Variants in TAOK3 observed in about 807,000 individuals in gnomAD.
The protein encoded by TAOK3 is serine/threonine-protein kinase TAO3.
TAOK3 carries 40 observed loss-of-function variants against 120.4 expected under a neutral mutation model. The ratio of observed to expected loss-of-function variants is 0.33; its 90% CI spans 0.26 to 0.43. The LOEUF (loss-of-function observed/expected upper bound fraction) is 0.43, where lower values mean the gene tolerates loss of function less well. Among genes scored for constraint, TAOK3 ranks in the 20% least tolerant of loss-of-function variants. The pLI is 1.00. For missense variants in TAOK3, 821 were observed against 1,112.1 expected, an observed-to-expected ratio of 0.74 and a Z score of 3.72; for synonymous variants, 355 against 387.5, an observed-to-expected ratio of 0.92 and a Z score of 0.99.
intron 8 of TAOK3, among the ~76,000 whole-genome samples, chr12:118,234,554 T>C (rs1022347998): frequency 1.3e-5 from 2 of 152,020 alleles, no homozygotes; most frequent in African/African-American, 2.4e-5. Context: ...TCTTTTTTTG[T>C]TGTTGTTGTT....
intron 1 of TAOK3, among the ~76,000 whole-genome samples, chr12:118,309,057 G>A (rs774422767): frequency 1.3e-5 from 2 of 151,378 alleles, no homozygotes; most frequent in East Asian, 1.9e-4. Context: ...CACTGGGCAC[G>A]GTGGCTCACG....
intron 1 of TAOK3, among the ~76,000 whole-genome samples, chr12:118,293,688 G>T (rs7967474): frequency 0.068 from 9,945 of 146,586 alleles, 802 homozygotes; most frequent in African/African-American, 0.19. Context: ...AAAAAAAGGA[G>T]AGACAAGCCA....
rs80041612 is a variant in TAOK3 at position 118,156,200 on chromosome 12, C to A, written c.2353-3791G>T. ...CCCTCTGCAAACCTTTCCTCGCACT[C>A]ATTCTGATCCTAACCCTCTACTTCT... On this transcript the variant is annotated intron_variant, in intron 19 of 20. Coordinates refer to ENST00000392533, the MANE Select transcript of TAOK3 (RefSeq NM_016281.4). Among the ~76,000 whole-genome samples, 1,308 of 152,270 alleles carry A rather than the reference C, an allele frequency of 8.6e-3. 12 individuals are homozygous for A. The highest frequency in any genetic ancestry group is 0.029 in the African/African-American group (1,204 of 41,546).
intron 1 of TAOK3, among the ~76,000 whole-genome samples, chr12:118,271,312 T>C (rs2041690239): frequency 6.6e-6 from 1 of 152,116 alleles, no homozygotes; most frequent in South Asian, 2.1e-4. Flanking sequence ...CACAAAACCA[T>C]ACCCTTTAGC....
At chr12:118,173,098 G>A (rs1290944840) in intron 16 of TAOK3, among the ~76,000 whole-genome samples, 1 of 152,144 alleles carries the variant, frequency 6.6e-6, no homozygotes, top group African/African-American at 2.4e-5. Context: ...GGCCCTAGAA[G>A]AATTTAATAG....
chr12:118,234,725 T>G (rs2039950187), intron 8 of TAOK3, among the ~76,000 whole-genome samples: 1 of 152,208 alleles, frequency 6.6e-6, no homozygotes, highest in Non-Finnish European at 1.5e-5. Flanking sequence ...TTTAAAATAA[T>G]TAAACAACAT....
Position 118,363,905 on chromosome 12 carries a change from T to C in TAOK3, c.-194+8743A>G, listed in dbSNP as rs544129106. The stretch of plus-strand genomic sequence containing the variant: ...GGGAGGCTGAGGTGGGCGGATCACC[T>C]GAGTTTGGGAGTTTGAGACCAGCCT... On this transcript the variant is annotated intron_variant, in intron 1 of 20. Transcript: ENST00000392533. Among the ~76,000 whole-genome samples, 47 of 152,226 alleles carry C rather than the reference T, an allele frequency of 3.1e-4. 1 individual carries two copies. Among genetic ancestry groups the C allele is most frequent in the Middle Eastern group, 3.4e-3 (1 of 294 alleles).
rs1347801275 is a variant in TAOK3 at position 118,151,285 on chromosome 12, GCGCGCACACACA to G, written c.2536-139_2536-128del. The stretch of plus-strand genomic sequence containing the variant: ...ATAGGCACACACATGAAGTGCGCGC[GCGCGCACACACA>G]CACACACACACACACACACACAGGA... On this transcript the variant is annotated intron_variant, in intron 20 of 20. Coordinates refer to ENST00000392533, the MANE Select transcript of TAOK3 (RefSeq NM_016281.4). The G allele has an allele frequency of 0.011, 6,439 of 612,452 alleles. 206 individuals carry two copies. In the African/African-American group the frequency reaches 0.14, roughly 13 times the overall value. The allele number at this position is 612,452 out of a possible 1,614,324, so 37.9% of individuals were successfully genotyped here.
chr12:118,165,600 A>G (rs1438944866), intron 17 of TAOK3, among the ~76,000 whole-genome samples: 1 of 152,236 alleles, frequency 6.6e-6, no homozygotes, highest in Non-Finnish European at 1.5e-5. Context: ...TCAATGGAAA[A>G]GTGCTAAGGG....
intron 2 of TAOK3, among the ~76,000 whole-genome samples, chr12:118,265,380 C>T (rs2041401437): frequency 8.4e-6 from 1 of 118,878 alleles, no homozygotes; most frequent in Admixed American, 1.0e-4. Flanking sequence ...CAGAGTGAAA[C>T]ACTGTCTCAG....
chr12:118,357,444 T>C (rs1164017785), intron 1 of TAOK3, among the ~76,000 whole-genome samples: 4 of 152,228 alleles, frequency 2.6e-5, no homozygotes, highest in Non-Finnish European at 5.9e-5. Flanking sequence ...GTGTGATCTT[T>C]GCAGATCAGA....
intron 1 of TAOK3, among the ~76,000 whole-genome samples, chr12:118,336,327 T>C (rs2044365399): frequency 6.6e-6 from 1 of 152,190 alleles, no homozygotes; most frequent in Admixed American, 6.5e-5. Context: ...CAAAGGTGAT[T>C]ATTTACAAAG....
At chr12:118,237,424 AG>A (rs2040061541) in intron 7 of TAOK3, among the ~76,000 whole-genome samples, 1 of 152,106 alleles carries the variant, frequency 6.6e-6, no homozygotes, top group African/African-American at 2.4e-5. Context: ...AAGTTAATGG[AG>A]GGAGGGAGGT....
chr12:118,318,863 T>G (rs368888051), intron 1 of TAOK3, among the ~76,000 whole-genome samples: 1 of 152,334 alleles, frequency 6.6e-6, no homozygotes, highest in African/African-American at 2.4e-5. Flanking sequence ...AAATGTGGCA[T>G]GTGTACACAA....
intron 1 of TAOK3, among the ~76,000 whole-genome samples, chr12:118,284,268 G>A (rs2042190553): frequency 6.6e-6 from 1 of 152,124 alleles, no homozygotes; most frequent in Non-Finnish European, 1.5e-5. Flanking sequence ...GGAGACTAGA[G>A]CAGGGAGGTC....
At chr12:118,356,402 T>A (rs1371598378) in intron 1 of TAOK3, among the ~76,000 whole-genome samples, 1 of 148,736 alleles carries the variant, frequency 6.7e-6, no homozygotes, top group Non-Finnish European at 1.5e-5. Flanking sequence ...CAGGTTCAAG[T>A]GATTCTCATG....
chr12:118,331,550 C>T (rs575151166), intron 1 of TAOK3, among the ~76,000 whole-genome samples: 188 of 146,616 alleles, frequency 1.3e-3, no homozygotes, highest in African/African-American at 4.7e-3. Flanking sequence ...GGGGCTGAGG[C>T]AGAAGAATCA....
chr12:118,225,054 C>G (rs1434354255), intron 9 of TAOK3, among the ~76,000 whole-genome samples: 1 of 151,642 alleles, frequency 6.6e-6, no homozygotes, highest in Non-Finnish European at 1.5e-5. Flanking sequence ...TTGAGACCAG[C>G]CTGGGTAACA....
intron 9 of TAOK3, among the ~76,000 whole-genome samples, chr12:118,231,874 G>A (rs2039798786): frequency 6.6e-6 from 1 of 150,620 alleles, no homozygotes. Flanking sequence ...AGTGAGCCAA[G>A]ATTGCACTGC....
Sources: allele counts gnomAD v4.1 joint callset (sites outside exome capture counted in the v4.1 genomes callset), GRCh38; gene constraint gnomAD v4.1.1; transcripts MANE v1.5; gene names NCBI Gene and HGNC (gene_info 2026-07-23, HGNC 2026-07-21).